Variants in EPHA6 observed in about 807,000 individuals in gnomAD.
EPHA6 encodes the protein EPH receptor A6.
Under a neutral mutation model 112.0 loss-of-function variants are expected in EPHA6, and 50 were observed. The observed-to-expected ratio is 0.45, with a 90% CI of 0.36 to 0.56. EPHA6 has a LOEUF of 0.56. Ranked by LOEUF, EPHA6 falls within the 20% of genes least tolerant of loss-of-function variation. EPHA6 has a pLI of 0.00. For synonymous variants in EPHA6, 529 were observed against 490.7 expected (o/e 1.08, Z -1.03); for missense variants, 1,280 against 1,417.4 (o/e 0.90, Z 1.56).
At chr3:97,496,916 G>A (rs2091994635) in intron 10 of EPHA6, among the ~76,000 whole-genome samples, 1 of 152,044 alleles carries the variant, frequency 6.6e-6, no homozygotes, top group African/African-American at 2.4e-5. Flanking sequence ...TCCCTCATTT[G>A]TAGTGAGATT....
intron 14 of EPHA6, among the ~76,000 whole-genome samples, chr3:97,710,881 T>G (rs549319816): frequency 6.6e-6 from 1 of 152,382 alleles, no homozygotes; most frequent in Admixed American, 6.5e-5. Flanking sequence ...TAAGCAGAGT[T>G]TGCAAATACT....
At chr3:97,440,160 G>A (rs980144691) in intron 6 of EPHA6, among the ~76,000 whole-genome samples, 14 of 152,140 alleles carry the variant, frequency 9.2e-5, no homozygotes, top group African/African-American at 3.4e-4. Flanking sequence ...AGTGCTAAAT[G>A]CTGGTTAGAA....
At chr3:96,912,168 ATATT>A (rs552562723) in intron 2 of EPHA6, among the ~76,000 whole-genome samples, 43 of 152,230 alleles carry the variant, frequency 2.8e-4, no homozygotes, top group Non-Finnish European at 4.7e-4. Context: ...GTTACATTAT[ATATT>A]TATTTATTTA....
intron 1 of EPHA6, among the ~76,000 whole-genome samples, chr3:96,830,616 G>A (rs1233956863): frequency 6.6e-6 from 1 of 151,718 alleles, no homozygotes. Context: ...GAGAATTTCA[G>A]GAAAACTTCT....
At chr3:97,466,317 A>C in intron 7 of EPHA6, 1 of 1,526,468 alleles carries the variant, frequency 6.6e-7, no homozygotes. Context: ...AATGAGAAGT[A>C]ACTATACCTA....
intron 2 of EPHA6, among the ~76,000 whole-genome samples, chr3:96,883,452 C>A (rs1445238999): frequency 6.6e-6 from 1 of 152,176 alleles, no homozygotes; most frequent in Non-Finnish European, 1.5e-5. Context: ...GTTTTTATTG[C>A]ATTTGCTTTT....
chr3:97,364,228 G>A (rs1461240899), intron 5 of EPHA6, among the ~76,000 whole-genome samples: 2 of 151,820 alleles, frequency 1.3e-5, no homozygotes, highest in African/African-American at 4.8e-5. Context: ...GAAAAATTAC[G>A]AGGACACAGA....
intron 4 of EPHA6, among the ~76,000 whole-genome samples, chr3:97,230,871 T>C (rs1394502977): frequency 6.6e-6 from 1 of 152,160 alleles, no homozygotes; most frequent in Non-Finnish European, 1.5e-5. Flanking sequence ...AGTCAGTGCC[T>C]TCTTCATGGA....
At chr3:97,747,394 A>T in intron 16 of EPHA6, 29 bp from the exon 17 acceptor site, 1 of 1,486,180 alleles carries the variant, frequency 6.7e-7, no homozygotes, top group Non-Finnish European at 9.0e-7. Context: ...AATGCTCTCC[A>T]TGTTTTGTTT....
rs563348140 is a variant in EPHA6 at position 96,818,104 on chromosome 3, T to A, written c.385+3096T>A. ...TTAAAACCACAGTATTAATTAAGTG[T>A]TGGAAATTTTTATTTTAAAAACATT... is the stretch of plus-strand genomic sequence containing the variant. On this transcript the variant is annotated intron_variant, in intron 1 of 17. Coordinates refer to ENST00000389672, the MANE Select transcript of EPHA6 (RefSeq NM_001080448.3). Among the ~76,000 whole-genome samples the A allele has an allele frequency of 2.0e-5, 3 of 152,114 alleles. No homozygotes were observed. The South Asian group carries it at 6.2e-4, about 31-fold the overall frequency.
chr3:97,115,820 G>A (rs1181697016), intron 3 of EPHA6, among the ~76,000 whole-genome samples: 2 of 151,772 alleles, frequency 1.3e-5, no homozygotes, highest in Non-Finnish European at 2.9e-5. Flanking sequence ...TCGGAGTTAA[G>A]AATATTGTGG....
chr3:97,461,620 T>G (rs1431607226), intron 7 of EPHA6, among the ~76,000 whole-genome samples: 1 of 152,198 alleles, frequency 6.6e-6, no homozygotes, highest in Non-Finnish European at 1.5e-5. Flanking sequence ...TTTACCTTCT[T>G]GCATATAGAT....
intron 5 of EPHA6, among the ~76,000 whole-genome samples, chr3:97,387,842 A>C (rs769971951): frequency 5.3e-5 from 8 of 152,202 alleles, no homozygotes; most frequent in Non-Finnish European, 1.0e-4. Flanking sequence ...AAGAGGTTTA[A>C]TCAGCTTACA....
At chr3:97,655,447 G>A (rs1224684867) in intron 14 of EPHA6, among the ~76,000 whole-genome samples, 1 of 151,908 alleles carries the variant, frequency 6.6e-6, no homozygotes, top group Non-Finnish European at 1.5e-5. Context: ...GAGAAAAAAA[G>A]AGAAAGATCT....
chr3:96,901,726 C>T (rs1036627523), intron 2 of EPHA6, among the ~76,000 whole-genome samples: 15 of 152,030 alleles, frequency 9.9e-5, no homozygotes, highest in African/African-American at 3.6e-4. Context: ...CAAAGAGGAT[C>T]CCTGCTTCAT....
chr3:97,434,356 A>G (rs1322181624), intron 6 of EPHA6, among the ~76,000 whole-genome samples: 1 of 152,144 alleles, frequency 6.6e-6, no homozygotes, highest in Non-Finnish European at 1.5e-5. Flanking sequence ...CAACATAGTA[A>G]GCAGTATGAA....
At chr3:97,012,215 T>A (rs770840976) in intron 3 of EPHA6, among the ~76,000 whole-genome samples, 70 of 152,240 alleles carry the variant, frequency 4.6e-4, no homozygotes, top group Admixed American at 1.9e-3. Context: ...TGTTTTAAGT[T>A]CTTTGAGAAA....
intron 3 of EPHA6, among the ~76,000 whole-genome samples, chr3:97,090,733 T>C (rs535776031): frequency 7.2e-5 from 11 of 152,184 alleles, no homozygotes; most frequent in African/African-American, 2.4e-4. Flanking sequence ...TTAAACATTC[T>C]GTAACCTGAA....
chr3:97,531,424 C>G (rs2092693546), intron 10 of EPHA6, among the ~76,000 whole-genome samples: 1 of 151,902 alleles, frequency 6.6e-6, no homozygotes, highest in African/African-American at 2.4e-5. Context: ...GAATGTTTTT[C>G]TTCACTTCCC....
Sources: gnomAD v4.1 joint callset for allele counts (sites outside exome capture counted in the v4.1 genomes callset) on GRCh38, gnomAD v4.1.1 for gene constraint, MANE v1.5 for transcripts, NCBI Gene and HGNC (gene_info 2026-07-23, HGNC 2026-07-21) for gene names.